TANC2: variants seen among roughly 807,000 people sequenced by gnomAD.
The protein encoded by TANC2 is protein TANC2.
A neutral mutation model predicts 210.5 loss-of-function variants in TANC2; 26 were observed. The observed-to-expected ratio is 0.12, with a 90% CI of 0.09 to 0.17. TANC2 has a LOEUF of 0.17. TANC2 is among the 10% of genes least tolerant of loss of function. TANC2 has a pLI of 1.00. For missense variants in TANC2, 2,129 were observed against 2,608.9 expected, an observed-to-expected ratio of 0.82 and a Z score of 4.01; for synonymous variants, 931 against 967.1, an observed-to-expected ratio of 0.96 and a Z score of 0.69.
At chr17:63,018,789 TATAA>T (rs1568321923) in intron 2 of TANC2, among the ~76,000 whole-genome samples, 1 of 152,246 alleles carries the variant, frequency 6.6e-6, no homozygotes, top group Non-Finnish European at 1.5e-5. Flanking sequence ...AAGAATGTTA[TATAA>T]ATGAGTTGTA....
intron 7 of TANC2, among the ~76,000 whole-genome samples, chr17:63,226,511 T>G (rs2042332534): frequency 6.6e-6 from 1 of 152,208 alleles, no homozygotes; most frequent in African/African-American, 2.4e-5. Flanking sequence ...GCCAGTTAAG[T>G]CATAGGTAGC....
chr17:63,051,927 A>G (rs1388577916), intron 2 of TANC2, among the ~76,000 whole-genome samples: 1 of 152,180 alleles, frequency 6.6e-6, no homozygotes, highest in Non-Finnish European at 1.5e-5. Flanking sequence ...AGCTTATGAT[A>G]TCTTCTACTT....
chr17:63,209,809 T>A (rs2041831855), intron 7 of TANC2, among the ~76,000 whole-genome samples: 2 of 152,252 alleles, frequency 1.3e-5, no homozygotes. Context: ...ATCAGGTTTT[T>A]AAAATGTTTA....
intron 1 of TANC2, among the ~76,000 whole-genome samples, chr17:62,995,028 T>C (rs2143630791): frequency 6.6e-6 from 1 of 152,356 alleles, no homozygotes; most frequent in East Asian, 1.9e-4. Context: ...GGCAAAGCAA[T>C]AAGAAAACTG....
At chr17:62,984,957 G>T (rs1468345538) in intron 1 of TANC2, among the ~76,000 whole-genome samples, 18 of 152,146 alleles carry the variant, frequency 1.2e-4, no homozygotes, top group Non-Finnish European at 2.5e-4. Context: ...TTAAGTGTCT[G>T]TTAAATCCAT....
chr17:63,353,774 C>T (rs566535852), intron 13 of TANC2, among the ~76,000 whole-genome samples: 1 of 152,164 alleles, frequency 6.6e-6, no homozygotes, highest in African/African-American at 2.4e-5. Flanking sequence ...CAGAAAGTGA[C>T]TCCAAAAAAA....
At chr17:63,332,301 T>C in intron 11 of TANC2, 1 of 334,070 alleles carries the variant, frequency 3.0e-6, no homozygotes. Context: ...TCTTCTCCCC[T>C]TCCCCTGCTA....
At chr17:63,227,512 T>C (rs968974422) in intron 7 of TANC2, among the ~76,000 whole-genome samples, 2 of 152,212 alleles carry the variant, frequency 1.3e-5, no homozygotes, top group Non-Finnish European at 2.9e-5. Context: ...TTAGATCTTT[T>C]TTCAGATGGA....
intron 1 of TANC2, among the ~76,000 whole-genome samples, chr17:62,993,928 GA>G (rs544083279): frequency 5.4e-4 from 80 of 148,488 alleles, no homozygotes; most frequent in Admixed American, 2.1e-3. Context: ...TGTCTCAAAA[GA>G]AAAAAAAAAT....
At chr17:63,250,376 A>T (rs1435447459) in intron 8 of TANC2, among the ~76,000 whole-genome samples, 1 of 152,034 alleles carries the variant, frequency 6.6e-6, no homozygotes, top group African/African-American at 2.4e-5. Flanking sequence ...GGCTCAAGCA[A>T]TCCTCCAACC....
chr17:63,199,926 CTT>C (rs1460592256), intron 6 of TANC2, among the ~76,000 whole-genome samples: 1 of 152,178 alleles, frequency 6.6e-6, no homozygotes, highest in Non-Finnish European at 1.5e-5. Context: ...ATTAGACAAA[CTT>C]TTAGAATAAG....
intron 19 of TANC2, chr17:63,399,338 C>T (rs2048269549): frequency 6.5e-6 from 1 of 152,884 alleles, no homozygotes; most frequent in East Asian, 1.9e-4. Flanking sequence ...TTCACCCACA[C>T]CTCTGGCTTA....
intron 4 of TANC2, among the ~76,000 whole-genome samples, chr17:63,104,070 A>G (rs2037731983): frequency 2.0e-5 from 3 of 152,182 alleles, no homozygotes; most frequent in Admixed American, 6.5e-5. Context: ...AGCATCTAGT[A>G]TATCAATTAA....
chr17:63,285,512 G>A lies in TANC2; in HGVS notation c.1159+17639G>A, dbSNP rs536751613. Among the ~76,000 whole-genome samples the A allele has an allele frequency of 3.3e-5, 5 of 152,164 alleles. No individual in the cohort carries two copies. In the South Asian group the frequency reaches 8.3e-4, roughly 25 times the overall value. On this transcript the variant is annotated intron_variant, in intron 9 of 27. Transcript: ENST00000689528. Reference sequence around the variant, plus strand: ...ATGTCAGGAGTGCCCCTCAGTTCACGGATTCCCTGGGAAGACTCACAGGAC... The same window carrying A: ...ATGTCAGGAGTGCCCCTCAGTTCACAGATTCCCTGGGAAGACTCACAGGAC...
At chr17:63,261,361 G>A (rs1050523725) in intron 8 of TANC2, among the ~76,000 whole-genome samples, 4 of 152,138 alleles carry the variant, frequency 2.6e-5, no homozygotes, top group African/African-American at 9.7e-5. Context: ...TGGACCTGAG[G>A]AAACAAAAAG....
Position 63,092,552 on chromosome 17 carries a change from A to G in TANC2, c.140-6623A>G, listed in dbSNP as rs562942338. Among the ~76,000 whole-genome samples the G allele has an allele frequency of 2.9e-3, 436 of 152,156 alleles. 1 individual carries two copies. Among genetic ancestry groups the G allele is most frequent in the African/African-American group, 0.01 (422 of 41,514 alleles). On this transcript the variant is annotated intron_variant, in intron 3 of 27. Coordinates refer to ENST00000689528, the Ensembl canonical transcript of TANC2. ...AGAAAAGAGGTTTAATTGGCTCACA[A>G]TTCTGGAAGCTGTACAGGAATCATG...
chr17:62,966,509 C>G lies in TANC2; in HGVS notation c.-264C>G, dbSNP rs531224247. ...AGCGAGGCGCCCGCCGCCGCCGAGC[C>G]GAGCCGAGGGGCGAGAGCTGGCCCC... On this transcript the variant is annotated 5_prime_UTR_variant, in exon 1 of 28. Transcript: ENST00000689528. The surrounding 1 kb of genome is among the most constrained non-coding windows in gnomAD (Gnocchi z 5.1). 6.7e-6 allele frequency among the ~76,000 whole-genome samples: 1 copy of G among 149,314 alleles called. No homozygotes were observed. The highest frequency in any genetic ancestry group is 1.5e-5 in the Non-Finnish European group (1 of 66,910).
At chr17:63,259,424 G>T (rs1469230334) in intron 8 of TANC2, among the ~76,000 whole-genome samples, 1 of 152,110 alleles carries the variant, frequency 6.6e-6, no homozygotes, top group East Asian at 1.9e-4. Context: ...TCTTATGAAG[G>T]TGCTTTCTTA....
At chr17:63,213,484 A>G (rs577245724) in intron 7 of TANC2, among the ~76,000 whole-genome samples, 129 of 152,372 alleles carry the variant, frequency 8.5e-4, no homozygotes, top group African/African-American at 2.9e-3. Flanking sequence ...ATTATATTTC[A>G]GTCAGATTTT....
Sources: gnomAD v4.1 joint callset for allele counts (sites outside exome capture counted in the v4.1 genomes callset) on GRCh38, gnomAD v4.1.1 for gene constraint, Gnocchi (gnomAD v3.1) non-coding constraint, MANE v1.5 for transcripts, NCBI Gene and HGNC (gene_info 2026-07-23, HGNC 2026-07-21) for gene names.